The following RAB3IL1 variants were observed in gnomAD, a reference collection of about 807,000 sequenced individuals.
The protein encoded by RAB3IL1 is guanine nucleotide exchange factor for Rab-3A.
RAB3IL1 carries 37 observed loss-of-function variants against 49.2 expected under a neutral mutation model. The observed-to-expected ratio is 0.75, with a 90% CI of 0.58 to 0.99. The LOEUF (loss-of-function observed/expected upper bound fraction) is 0.99. Among genes scored for constraint, RAB3IL1 ranks in the 50% least tolerant of loss-of-function variants. RAB3IL1 has a pLI of 0.00. For synonymous variants in RAB3IL1, 193 were observed against 213.9 expected (o/e 0.90, Z 0.85); for missense variants, 484 against 513.0 (o/e 0.94, Z 0.55).
intron 1 of RAB3IL1, among the ~76,000 whole-genome samples, chr11:61,912,237 C>T (rs11230824): frequency 2.0e-5 from 3 of 152,278 alleles, no homozygotes; most frequent in East Asian, 3.9e-4. Flanking sequence ...GCAGAAACCC[C>T]GACCCAGGGC....
chr11:61,916,209 G>A (rs1939679612), intron 1 of RAB3IL1, among the ~76,000 whole-genome samples: 1 of 152,014 alleles, frequency 6.6e-6, no homozygotes, highest in Non-Finnish European at 1.5e-5. Context: ...AGCCGGGTGT[G>A]GTGGTGTGTG....
At chr11:61,946,179 G>T in the RAB3IL1 span, among the ~76,000 whole-genome samples, 1 of 152,086 alleles carries the variant, frequency 6.6e-6, no homozygotes, top group African/African-American at 2.4e-5. Context: ...CCAAGAGAGG[G>T]GTGTGGGCTG....
chr11:61,926,500 C>T, the RAB3IL1 span, among the ~76,000 whole-genome samples: 1 of 152,108 alleles, frequency 6.6e-6, no homozygotes, highest in Admixed American at 6.6e-5. Flanking sequence ...GTCATGGGAG[C>T]TTGGTTCCCT....
intron 1 of RAB3IL1, among the ~76,000 whole-genome samples, chr11:61,914,832 C>T (rs1218951859): frequency 6.6e-6 from 1 of 152,170 alleles, no homozygotes; most frequent in East Asian, 1.9e-4. Context: ...CTGGGGTCAC[C>T]AACTCCTAAT....
the RAB3IL1 span, among the ~76,000 whole-genome samples, chr11:61,936,167 A>T: frequency 4.6e-5 from 7 of 152,200 alleles, no homozygotes; most frequent in Non-Finnish European, 8.8e-5. Context: ...ATGGAATACC[A>T]TCGAGCATAA....
chr11:61,907,938 G>C, intron 2 of RAB3IL1, 116 bp downstream of exon 2: 3 of 1,451,916 alleles, frequency 2.1e-6, no homozygotes, highest in South Asian at 2.7e-5. Flanking sequence ...AGCTGGCCTC[G>C]GTGAGGGCAC....
the RAB3IL1 span, chr11:61,937,773 A>C: frequency 6.6e-6 from 1 of 151,868 alleles, no homozygotes; most frequent in Admixed American, 6.5e-5. Flanking sequence ...AATGCATATA[A>C]AAAATAGCAA....
At chr11:61,923,749 G>A (rs1393078168), upstream of RAB3IL1, among the ~76,000 whole-genome samples, 2 of 152,178 alleles carry the variant, frequency 1.3e-5, no homozygotes, top group South Asian at 2.1e-4. Context: ...CCCTCCCTCC[G>A]CCAGCTGTGC....
At chr11:61,916,174 C>T (rs1379169648) in intron 1 of RAB3IL1, among the ~76,000 whole-genome samples, 2 of 151,990 alleles carry the variant, frequency 1.3e-5, no homozygotes, top group African/African-American at 4.8e-5. Context: ...TGTGAAACCC[C>T]GTCTCTACTA....
At chr11:61,917,722 A>AC, upstream of RAB3IL1, 1 of 276,544 alleles carries the variant, frequency 3.6e-6, no homozygotes, top group Non-Finnish European at 5.5e-6. Flanking sequence ...CCCGGCCCCC[A>AC]ACATCCCGCG....
At chr11:61,938,780 GC>G in the RAB3IL1 span, among the ~76,000 whole-genome samples, 1 of 151,994 alleles carries the variant, frequency 6.6e-6, no homozygotes, top group African/African-American at 2.4e-5. Flanking sequence ...ACAAAATTTA[GC>G]TGGGCATGGC....
intron 8 of RAB3IL1, among the ~76,000 whole-genome samples, chr11:61,900,733 C>G (rs183594730): frequency 3.9e-5 from 6 of 152,336 alleles, no homozygotes; most frequent in Non-Finnish European, 7.3e-5. Context: ...GCAGGGACCA[C>G]ATCCTAAAAC....
At chr11:61,933,380 G>A in the RAB3IL1 span, among the ~76,000 whole-genome samples, 1 of 150,740 alleles carries the variant, frequency 6.6e-6, no homozygotes, top group South Asian at 2.1e-4. Flanking sequence ...GCCAAGGAGT[G>A]CTGGCAGCCA....
At chr11:61,934,442 G>GTGTGTGTGTA in the RAB3IL1 span, among the ~76,000 whole-genome samples, 8 of 18,688 alleles carry the variant, frequency 4.3e-4, no homozygotes, top group African/African-American at 9.6e-4. Context: ...GTGTGTGTGT[G>GTGTGTGTGTA]TGTGTATGTA....
chr11:61,936,767 G>A, the RAB3IL1 span, among the ~76,000 whole-genome samples: 2 of 152,256 alleles, frequency 1.3e-5, no homozygotes, highest in Non-Finnish European at 2.9e-5. Flanking sequence ...GATATATTCA[G>A]AAAATGCTGA....
At chr11:61,939,801 T>A in the RAB3IL1 span, among the ~76,000 whole-genome samples, 1 of 151,812 alleles carries the variant, frequency 6.6e-6, no homozygotes, top group Non-Finnish European at 1.5e-5. Context: ...AAATAAAATA[T>A]TAAAAAATTA....
chr11:61,922,572 A>C (rs1362041197), upstream of RAB3IL1, among the ~76,000 whole-genome samples: 2 of 150,604 alleles, frequency 1.3e-5, no homozygotes, highest in African/African-American at 4.9e-5. Flanking sequence ...TGTCTGCCAC[A>C]GTGTAGACTG....
chr11:61,938,232 AAAAC>A, the RAB3IL1 span, among the ~76,000 whole-genome samples: 3 of 152,034 alleles, frequency 2.0e-5, no homozygotes, highest in African/African-American at 7.2e-5. Context: ...GCTATCTACT[AAAAC>A]AAACAAACAA....
chr11:61,919,188 C>T (rs1166932609), upstream of RAB3IL1, among the ~76,000 whole-genome samples: 1 of 152,170 alleles, frequency 6.6e-6, no homozygotes, highest in Admixed American at 6.5e-5. Flanking sequence ...GCAACCCAGA[C>T]CAGTGGGAGA....
Sources: gnomAD v4.1 joint callset for allele counts (sites outside exome capture counted in the v4.1 genomes callset) on GRCh38, gnomAD v4.1.1 for gene constraint, MANE v1.5 for transcripts, NCBI Gene and HGNC (gene_info 2026-07-23, HGNC 2026-07-21) for gene names.